PABIR3: variants seen among roughly 807,000 people sequenced by gnomAD.
The protein encoded by PABIR3 is PABIR family member 3.
PABIR3 carries 20 observed loss-of-function variants against 23.1 expected under a neutral mutation model. The observed-to-expected ratio is 0.86, with a 90% CI of 0.61 to 1.26. The LOEUF (loss-of-function observed/expected upper bound fraction) is 1.26. PABIR3 is among the 50% of genes most tolerant of loss of function. The pLI is 0.00. For missense variants in PABIR3, 189 were observed against 195.4 expected (o/e 0.97, Z 0.20); for synonymous variants, 69 against 68.5 (o/e 1.01, Z -0.04).
chrX:134,804,162 C>T, upstream of PABIR3: 1 of 1,110,575 alleles, frequency 9.0e-7, no homozygotes, highest in Non-Finnish European at 1.2e-6. Flanking sequence ...GCCTAATTGT[C>T]AAGTCTAGAT....
At chrX:134,822,459 A>G (rs2081334317) in intron 3 of PABIR3, 1 of 749,446 alleles carries the variant, frequency 1.3e-6, no homozygotes, top group Admixed American at 8.9e-5. Context: ...ATGATTCTGT[A>G]GCTCAAGTTC....
the PABIR3 span, among the ~76,000 whole-genome samples, chrX:134,861,878 G>A: frequency 1.8e-5 from 2 of 110,193 alleles, no homozygotes; most frequent in Admixed American, 2.0e-4. Context: ...AAGAGGATGT[G>A]GTATGAAGCA....
At chrX:134,800,198 G>A (rs773295224) in intron 1 of PABIR3, among the ~76,000 whole-genome samples, 1 of 108,635 alleles carries the variant, frequency 9.2e-6, no homozygotes, top group Admixed American at 9.9e-5. Context: ...CTACTCGGGG[G>A]GCTGAGGCAG....
At chrX:134,863,960 T>G in the PABIR3 span, among the ~76,000 whole-genome samples, 1 of 112,509 alleles carries the variant, frequency 8.9e-6, no homozygotes, top group Non-Finnish European at 1.9e-5. Context: ...GTACACAGGA[T>G]GCTTTATATT....
At chrX:134,855,950 G>A (rs770660561), downstream of PABIR3, among the ~76,000 whole-genome samples, 1 of 111,530 alleles carries the variant, frequency 9.0e-6, no homozygotes, top group African/African-American at 3.3e-5. Flanking sequence ...TTGCAGTGAT[G>A]TTTCTTGCTG....
chrX:134,848,108 C>A, intron 8 of PABIR3, 137 bp downstream of exon 8: 1 of 539,198 alleles, frequency 1.9e-6, no homozygotes, highest in Non-Finnish European at 2.9e-6. Context: ...GTCATTGTTT[C>A]GGCTGGGCAC....
At chrX:134,818,255 A>G (rs927870659) in intron 3 of PABIR3, among the ~76,000 whole-genome samples, 73 of 112,130 alleles carry the variant, frequency 6.5e-4, no homozygotes, top group African/African-American at 2.3e-3. Flanking sequence ...GAGCTGGACT[A>G]GAGATAACCA....
At position 134,807,640 on chromosome X, in the gene PABIR3, G is replaced by C. The variant is rs983062191; in HGVS notation, c.42G>C (p.Pro14=). The C allele has an allele frequency of 8.3e-6, 10 of 1,210,430 alleles. No homozygotes were observed. Among genetic ancestry groups the C allele is most frequent in the Non-Finnish European group, 1.0e-5 (9 of 894,771 alleles). Residue 14 remains proline (P), a synonymous_variant, in exon 2 of 11, where the codon CCG becomes CCC. Transcript: ENST00000645433. ...EKMKLGFKSL[P]SSTTADGNIL... ...TGAAACTAGGTTTCAAGTCGCTGCC[G>C]AGTTCCACTACCGCAGACGGCAACA...
the PABIR3 span, among the ~76,000 whole-genome samples, chrX:134,863,748 ATCT>A: frequency 2.6e-4 from 29 of 111,512 alleles, no homozygotes; most frequent in Non-Finnish European, 1.9e-4. Flanking sequence ...GTACACCCTG[ATCT>A]TCTTACCAGC....
intron 7 of PABIR3, 125 bp from the exon 8 acceptor site, chrX:134,847,758 A>G: frequency 1.8e-6 from 1 of 547,543 alleles, no homozygotes; most frequent in Non-Finnish European, 3.0e-6. Flanking sequence ...ACTCAAAACA[A>G]TTTCCTAATG....
intron 3 of PABIR3, chrX:134,822,718 A>T (rs2081342757): frequency 1.6e-6 from 1 of 639,591 alleles, no homozygotes; most frequent in Admixed American, 9.0e-5. Context: ...TCGGAGCTAA[A>T]TGATAAGAAC....
At chrX:134,823,442 C>A (rs73568783) in intron 3 of PABIR3, among the ~76,000 whole-genome samples, 1,404 of 111,180 alleles carry the variant, frequency 0.013, 22 homozygotes, top group African/African-American at 0.044. Flanking sequence ...TTGATTGATG[C>A]AGATGTGAAC....
chrX:134,804,255 A>G (rs1278504124), upstream of PABIR3: 1 of 1,137,687 alleles, frequency 8.8e-7, no homozygotes, highest in South Asian at 1.9e-5. Context: ...AGGTTGGTAT[A>G]ATAATGTGTG....
Position 134,847,900 on chromosome X carries a change from A to G in PABIR3, c.456A>G (p.Ser152=). The part of the protein sequence containing the change: ...KKTGKQCFSP[S]LQTCVSCTGS... Reference sequence around the variant, plus strand: ...GATTTTAGCAGTGTTTCTCTCCATCATTACAAACTTGTGTGAGTTGCACTG... The same window carrying G: ...GATTTTAGCAGTGTTTCTCTCCATCGTTACAAACTTGTGTGAGTTGCACTG... Residue 152 remains serine (S), a synonymous_variant, in exon 8 of 11, where the codon TCA becomes TCG. Transcript: ENST00000645433. 9.5e-6 allele frequency: 11 copies of G among 1,154,975 alleles called. 1 individual carries two copies. The highest frequency in any genetic ancestry group is 1.1e-5 in the Non-Finnish European group (10 of 872,381).
At chrX:134,815,677 C>CT (rs1215497909) in intron 3 of PABIR3, among the ~76,000 whole-genome samples, 170 of 102,903 alleles carry the variant, frequency 1.7e-3, no homozygotes, top group African/African-American at 4.9e-3. Context: ...TTTTTCTTTT[C>CT]TTTTTTTTTT....
At chrX:134,817,840 A>G (rs900913708) in intron 3 of PABIR3, among the ~76,000 whole-genome samples, 8 of 111,178 alleles carry the variant, frequency 7.2e-5, no homozygotes, top group African/African-American at 2.6e-4. Flanking sequence ...TGACATGATC[A>G]GATTTGTTAA....
chrX:134,814,910 TGGTCTTC>T, intron 3 of PABIR3, 61 bp downstream of exon 3: 1 of 896,891 alleles, frequency 1.1e-6, no homozygotes. Flanking sequence ...TCTCAACCAA[TGGTCTTC>T]AAACTTGAGC....
At chrX:134,857,365 C>T (rs769714732), downstream of PABIR3, among the ~76,000 whole-genome samples, 1 of 110,751 alleles carries the variant, frequency 9.0e-6, no homozygotes, top group African/African-American at 3.3e-5. Context: ...TGTCCTGTGT[C>T]GTCATATGGC....
intron 3 of PABIR3, chrX:134,821,512 TC>T (rs1445522764): frequency 8.7e-7 from 1 of 1,152,278 alleles, no homozygotes; most frequent in Non-Finnish European, 1.1e-6. Flanking sequence ...CTGCGTCACT[TC>T]TCCATCCCCA....
Sources: gnomAD v4.1 joint callset for allele counts (sites outside exome capture counted in the v4.1 genomes callset) on GRCh38, gnomAD v4.1.1 for gene constraint, MANE v1.5 for transcripts, NCBI Gene and HGNC (gene_info 2026-07-23, HGNC 2026-07-21) for gene names.